Variants in TSHZ2 observed in about 807,000 individuals in gnomAD.
TSHZ2 encodes teashirt zinc finger homeobox 2.
In TSHZ2, 21 loss-of-function variants were observed where a neutral mutation model predicts 74.4. That is an observed-to-expected ratio of 0.28 (90% confidence interval 0.20 to 0.41). The LOEUF (loss-of-function observed/expected upper bound fraction) is 0.41. Ranked by LOEUF, TSHZ2 falls within the 10% of genes least tolerant of loss-of-function variation. The probability of loss-of-function intolerance (pLI) is 1.00; values close to 1 mark genes in which losing one functional copy is unlikely to be tolerated. For synonymous variants in TSHZ2, 540 were observed against 515.3 expected (o/e 1.05, Z -0.65); for missense variants, 1,244 against 1,293.5 (o/e 0.96, Z 0.59).
rs556785320 is a variant in TSHZ2, at chr20:53,449,918, A to T, written c.*9-37226A>T. Among the ~76,000 whole-genome samples the T allele has an allele frequency of 3.9e-5, 6 of 152,276 alleles. No individual in the cohort carries two copies. In the South Asian group the frequency reaches 1.2e-3, roughly 32 times the overall value. On this transcript the variant is annotated intron_variant, in intron 2 of 2. Coordinates refer to ENST00000371497, the MANE Select transcript of TSHZ2 (RefSeq NM_173485.6). ...CTTTTTGTTATGTGCTTTGCATTCT[A>T]CTTTCTTCACCAGATTTTAAGTTTG...
intron 1 of TSHZ2, among the ~76,000 whole-genome samples, chr20:53,226,530 G>A (rs1289041688): frequency 6.6e-6 from 1 of 152,032 alleles, no homozygotes; most frequent in African/African-American, 2.4e-5. Flanking sequence ...AAAGGACTTA[G>A]CATTGTGAGT....
chr20:53,182,836 T>C (rs1280791513), intron 1 of TSHZ2, among the ~76,000 whole-genome samples: 1 of 152,182 alleles, frequency 6.6e-6, no homozygotes, highest in Non-Finnish European at 1.5e-5. Flanking sequence ...CCTATGTGTG[T>C]TCAATGTTCT....
chr20:53,355,244 C>T (rs982640437), intron 2 of TSHZ2, among the ~76,000 whole-genome samples: 4 of 152,092 alleles, frequency 2.6e-5, no homozygotes, highest in Admixed American at 6.6e-5. Context: ...TCTAAGAGAA[C>T]ACCTGGGAGA....
At chr20:53,006,148 A>T (rs1982636056) in intron 1 of TSHZ2, among the ~76,000 whole-genome samples, 2 of 152,362 alleles carry the variant, frequency 1.3e-5, no homozygotes, top group Middle Eastern at 6.8e-3. Context: ...GATGTTCAAC[A>T]TTATAAAAAG....
intron 2 of TSHZ2, among the ~76,000 whole-genome samples, chr20:53,465,705 C>G (rs372066580): frequency 1.3e-5 from 2 of 151,784 alleles, no homozygotes; most frequent in African/African-American, 4.8e-5. Context: ...TTTCTGATCT[C>G]TCAAAAAGAA....
chr20:53,069,812 T>C (rs565638295), intron 1 of TSHZ2, among the ~76,000 whole-genome samples: 39 of 151,992 alleles, frequency 2.6e-4, no homozygotes, highest in Non-Finnish European at 5.0e-4. Context: ...GAAAAAAAGA[T>C]GACTTCTTAT....
chr20:53,085,874 G>A (rs140433687), intron 1 of TSHZ2, among the ~76,000 whole-genome samples: 247 of 152,308 alleles, frequency 1.6e-3, no homozygotes, highest in South Asian at 9.1e-3. Context: ...GCGTTCAGGC[G>A]TAAGCATTAA....
At chr20:53,286,667 C>T (rs574195339) in intron 2 of TSHZ2, among the ~76,000 whole-genome samples, 11 of 152,212 alleles carry the variant, frequency 7.2e-5, no homozygotes, top group East Asian at 1.9e-4. Context: ...GGAACATCAA[C>T]GGCTTGAGCC....
chr20:53,117,619 C>T (rs1031505705), intron 1 of TSHZ2, among the ~76,000 whole-genome samples: 5 of 152,098 alleles, frequency 3.3e-5, no homozygotes, highest in Non-Finnish European at 7.4e-5. Flanking sequence ...AAAATAGGAG[C>T]CAGTTGTGCA....
intron 2 of TSHZ2, among the ~76,000 whole-genome samples, chr20:53,460,136 A>T (rs896020570): frequency 1.3e-4 from 19 of 151,890 alleles, no homozygotes; most frequent in African/African-American, 4.6e-4. Context: ...CTCCTGGATA[A>T]TATCCTGCAG....
chr20:52,999,637 G>T (rs561009421), intron 1 of TSHZ2, among the ~76,000 whole-genome samples: 1 of 152,250 alleles, frequency 6.6e-6, no homozygotes, highest in East Asian at 1.9e-4. Context: ...CTACCCTGTT[G>T]CCCAGATTTT....
intron 1 of TSHZ2, among the ~76,000 whole-genome samples, chr20:53,190,086 A>AATAT (rs544193424): frequency 0.011 from 273 of 24,974 alleles, 8 homozygotes; most frequent in Non-Finnish European, 0.016. Context: ...CCCTGTCTCA[A>AATAT]ATATATATAT....
At chr20:53,072,999 CTCCCTCCATCCA>C (rs1245346742) in intron 1 of TSHZ2, among the ~76,000 whole-genome samples, 6 of 140,918 alleles carry the variant, frequency 4.3e-5, no homozygotes, top group Non-Finnish European at 7.7e-5. Context: ...TCATCCATCC[CTCCCTCCATCCA>C]TCCCTCCCTC....
intron 1 of TSHZ2, among the ~76,000 whole-genome samples, chr20:53,235,040 C>T (rs1240157348): frequency 1.3e-5 from 2 of 149,432 alleles, no homozygotes; most frequent in Admixed American, 6.9e-5. Flanking sequence ...TTTCAGTCCC[C>T]TAGGAGCGCA....
At chr20:53,019,458 C>T (rs1983156092) in intron 1 of TSHZ2, among the ~76,000 whole-genome samples, 1 of 151,988 alleles carries the variant, frequency 6.6e-6, no homozygotes, top group Admixed American at 6.6e-5. Context: ...AACTCTGTGG[C>T]CAAGGAGAGG....
At chr20:53,206,773 C>T (rs1239968247) in intron 1 of TSHZ2, among the ~76,000 whole-genome samples, 1 of 152,194 alleles carries the variant, frequency 6.6e-6, no homozygotes, top group Non-Finnish European at 1.5e-5. Flanking sequence ...AGCTCCCTGC[C>T]CTGGAAAGAT....
chr20:53,484,178 C>G (rs1429326060), intron 2 of TSHZ2, among the ~76,000 whole-genome samples: 1 of 152,236 alleles, frequency 6.6e-6, no homozygotes, highest in Non-Finnish European at 1.5e-5. Flanking sequence ...TGCCAGGGAC[C>G]CTTTTTCTCT....
chr20:53,180,748 A>C (rs1477177643), intron 1 of TSHZ2, among the ~76,000 whole-genome samples: 1 of 152,108 alleles, frequency 6.6e-6, no homozygotes, highest in Non-Finnish European at 1.5e-5. Flanking sequence ...CTGCACTTTT[A>C]CCCCTAAATA....
chr20:53,084,884 A>G (rs1452249415), intron 1 of TSHZ2, among the ~76,000 whole-genome samples: 1 of 152,144 alleles, frequency 6.6e-6, no homozygotes, highest in Non-Finnish European at 1.5e-5. Context: ...CTGAGAAAGT[A>G]AGATGCTTGG....
Sources: gnomAD v4.1 joint callset for allele counts (sites outside exome capture counted in the v4.1 genomes callset) on GRCh38, gnomAD v4.1.1 for gene constraint, MANE v1.5 for transcripts, NCBI Gene and HGNC (gene_info 2026-07-23, HGNC 2026-07-21) for gene names.